SLC4A9: variants seen among roughly 807,000 people sequenced by gnomAD.
SLC4A9 encodes the protein anion exchange protein 4.
In SLC4A9, 102 loss-of-function variants were observed where a neutral mutation model predicts 103.2. That is an observed-to-expected ratio of 0.99 (90% CI 0.84 to 1.17). SLC4A9 has a LOEUF of 1.17. Ranked by LOEUF, SLC4A9 falls within the 50% of genes most tolerant of loss-of-function variation. The pLI, the probability that SLC4A9 is intolerant of heterozygous loss-of-function variation, is 0.00. For missense variants in SLC4A9, 1,091 were observed against 1,193.7 expected, an observed-to-expected ratio of 0.91 and a Z score of 1.27; for synonymous variants, 453 against 483.6, an observed-to-expected ratio of 0.94 and a Z score of 0.83.
chr5:140,367,360 T>C, intron 14 of SLC4A9, 60 bp from the exon 15 acceptor site: 2 of 1,560,816 alleles, frequency 1.3e-6, no homozygotes, highest in Non-Finnish European at 8.7e-7. Flanking sequence ...GGTTGAGATG[T>C]GCAGGTGAGA....
intron 1 of SLC4A9, 130 bp from the exon 2 acceptor site, chr5:140,360,682 G>T (rs544598738): frequency 1.4e-4 from 195 of 1,413,082 alleles, no homozygotes; most frequent in East Asian, 1.1e-3. Context: ...CTGCCAGGGT[G>T]GGGGGGAGAC....
chr5:140,371,614 T>C lies in SLC4A9; in HGVS notation c.2660T>C (p.Phe887Ser), dbSNP rs372940950. The change falls in exon 19 of 22, where the codon TTC (phenylalanine) becomes TCC (serine). Residue 887 changes from phenylalanine (F) to serine (S), a missense_variant. Coordinates refer to ENST00000506757, the MANE Select transcript of SLC4A9 (RefSeq NM_031467.3). ...IIKSTPAAII[F>S]PLMLLGLVGV... is the part of the protein sequence containing the mutation. ...AAGTCTACCCCTGCAGCCATCATCT[T>C]CCCCCTCATGGTAAGCTGAGGCAGG... 11 of 1,613,842 alleles carry C rather than the reference T, an allele frequency of 6.8e-6. No individual in the cohort carries two copies. The highest frequency in any genetic ancestry group is 8.5e-6 in the Non-Finnish European group (10 of 1,179,896).
At position 140,362,145 on chromosome 5, in the gene SLC4A9, G is replaced by C; in HGVS notation, c.690G>C (p.Gly230=). ...GACTGCGGAACCCTGTGGTACTGGG[G>C]TCCCTTACTGAGGTGTCCCTCCCAA... ...FVRLRNPVVL[G]SLTEVSLPSR... The change falls in exon 5 of 22, where the codon GGG becomes GGC. Residue 230 remains glycine, a synonymous_variant. Coordinates refer to ENST00000506757, the MANE Select transcript of SLC4A9 (RefSeq NM_031467.3). The C allele has an allele frequency of 6.4e-7, 1 of 1,558,872 alleles. No homozygotes were observed. The highest frequency in any genetic ancestry group is 8.6e-7 in the Non-Finnish European group (1 of 1,161,106).
chr5:140,365,539 A>G lies in SLC4A9; in HGVS notation c.1671A>G (p.Ile557Met), dbSNP rs775408784. ...PGPGGNESQW[I>M]RTRPKDRDDI... ...TCCCAGGAAATGAGTCTCAATGGATAAGGACAAGGCCAAAAGACAGAGACG... is the reference window on the plus strand; with the variant it reads ...TCCCAGGAAATGAGTCTCAATGGATGAGGACAAGGCCAAAAGACAGAGACG... The change falls in exon 12 of 22, where the codon ATA (isoleucine) becomes ATG (methionine). Residue 557 changes from isoleucine to methionine, a missense_variant. Physicochemically the swap from Ile to Met is conservative, Grantham distance 10. Transcript: ENST00000506757. The G allele has an allele frequency of 1.9e-6, 3 of 1,611,696 alleles. No individual in the cohort carries two copies. The highest frequency in any genetic ancestry group is 2.2e-5 in the South Asian group (2 of 90,424).
In SLC4A9 at chr5:140,362,465, G is replaced by A; in HGVS notation, c.740G>A (p.Gly247Asp). Residue 247 changes from glycine (G) to aspartate (D), a missense_variant, in exon 6 of 22, where the codon GGC (glycine) becomes GAC (aspartate). By Grantham distance (94) the Gly-to-Asp change is moderately conservative (BLOSUM62 -1). Transcript: ENST00000506757. ...LPSRFFCLLL[G>D]PCMLGKGYHE... ...CTCAGGTTTTTCTGCCTTCTCCTGG[G>A]CCCCTGTATGCTGGGAAAGGGCTAC... The A allele has an allele frequency of 6.2e-7, 1 of 1,614,036 alleles. No homozygotes were observed. Among genetic ancestry groups the A allele is most frequent in the Non-Finnish European group, 8.5e-7 (1 of 1,179,884 alleles).
At position 140,363,904 on chromosome 5, in the gene SLC4A9, TGGGTA is replaced by T; in HGVS notation, c.1254+6_1254+10del. ...GGAGATGCCACTGATGGTGCCCAGG[TGGGTA>T]GGGCCCAGGGGGCAGGCACAAGCGT... On this transcript the variant is annotated splice_donor_5th_base_variant and intron_variant, in intron 9 of 21. Transcript: ENST00000506757. The surrounding 1 kb of genome is among the most constrained non-coding windows in gnomAD (Gnocchi z 4.5). The T allele has an allele frequency of 6.2e-7, 1 of 1,613,354 alleles. No individual in the cohort carries two copies. Among genetic ancestry groups the T allele is most frequent in the South Asian group, 1.1e-5 (1 of 91,082 alleles).
intron 17 of SLC4A9, 150 bp downstream of exon 17, chr5:140,368,809 G>C (rs2126784201): frequency 5.0e-6 from 3 of 605,522 alleles, no homozygotes; most frequent in Non-Finnish European, 8.5e-6. Context: ...CATTAACCCT[G>C]AAAGGAGTAT....
chr5:140,371,206 A>T (rs1353182378), intron 18 of SLC4A9, 43 bp downstream of exon 18: 1 of 1,572,382 alleles, frequency 6.4e-7, no homozygotes, highest in African/African-American at 1.4e-5. Context: ...AAAGAAGAAT[A>T]AAAAGACAAA....
At position 140,360,973 on chromosome 5, in the gene SLC4A9, G is replaced by C. The variant is rs766361640; in HGVS notation, c.391+1G>C. Reference sequence around the variant, plus strand: ...GCTCAGAGCCTCCTGGAGCTCGTGGGTAGGCTGGGATCCTTTGCAGGAAGG... The same window carrying C: ...GCTCAGAGCCTCCTGGAGCTCGTGGCTAGGCTGGGATCCTTTGCAGGAAGG... On this transcript the variant is annotated splice_donor_variant, in intron 2 of 21. Transcript: ENST00000506757. LOFTEE classifies it high-confidence loss of function. 21 of 1,570,512 alleles carry C rather than the reference G, an allele frequency of 1.3e-5. No homozygotes were observed. The highest frequency in any genetic ancestry group is 1.7e-5 in the Non-Finnish European group (20 of 1,157,290).
chr5:140,373,298 T>C (rs977645284), intron 21 of SLC4A9, among the ~76,000 whole-genome samples: 2 of 152,156 alleles, frequency 1.3e-5, no homozygotes, highest in African/African-American at 4.8e-5. Flanking sequence ...TATTCATCCA[T>C]ATATCAAGCA....
chr5:140,368,537 TACCCC>T, intron 16 of SLC4A9, 45 bp from the exon 17 acceptor site: 1 of 1,527,468 alleles, frequency 6.5e-7, no homozygotes, highest in Non-Finnish European at 9.0e-7. Context: ...CCAGTCTGGA[TACCCC>T]AGGGACTCTC....
Position 140,374,845 on chromosome 5 carries a change from G to C in SLC4A9, c.*64G>C, listed in dbSNP as rs1468376479. On this transcript the variant is annotated 3_prime_UTR_variant, in exon 22 of 22. Transcript: ENST00000506757. ...CTTCCAGATGCTCAGTCGGCTTGGG[G>C]AAGGACTGAAGGGCAGCTGCCAAGA... is the stretch of plus-strand genomic sequence containing the variant. 3 of 152,184 alleles carry C rather than the reference G, an allele frequency of 2.0e-5. No homozygotes were observed. The highest frequency in any genetic ancestry group is 7.2e-5 in the African/African-American group (3 of 41,418). 9.4% of individuals were successfully genotyped at this position (152,184 alleles called of 1,614,324 possible). A position where few individuals can be genotyped will look rare whatever the true frequency, so the allele number is the denominator to read the frequency against.
chr5:140,365,442 A>G (rs928784543), intron 11 of SLC4A9, 78 bp from the exon 12 acceptor site: 3 of 1,300,380 alleles, frequency 2.3e-6, no homozygotes, highest in Non-Finnish European at 3.3e-6. Flanking sequence ...ACCTGGACCC[A>G]TCAGATAAGA....
intron 1 of SLC4A9, 97 bp from the exon 2 acceptor site, chr5:140,360,715 G>A: frequency 6.4e-7 from 1 of 1,564,554 alleles, no homozygotes; most frequent in Non-Finnish European, 8.7e-7. Context: ...GGCCCAGGAT[G>A]CCCTCATTGC....
chr5:140,361,538 T>C (rs1405917628), intron 3 of SLC4A9, among the ~76,000 whole-genome samples, 171 bp downstream of exon 3: 1 of 152,228 alleles, frequency 6.6e-6, no homozygotes, highest in Non-Finnish European at 1.5e-5. Flanking sequence ...TTCAGGGGGC[T>C]AGAATCGTAA....
intron 21 of SLC4A9, among the ~76,000 whole-genome samples, chr5:140,374,094 T>A (rs1026717323): frequency 6.6e-6 from 1 of 150,908 alleles, no homozygotes; most frequent in Admixed American, 6.6e-5. Context: ...GGCAGGAGAA[T>A]CACTTGAACC....
Position 140,361,266 on chromosome 5 carries a change from G to A in SLC4A9, c.404G>A (p.Arg135Lys). The change falls in exon 3 of 22, where the codon AGG (arginine) becomes AAG (lysine). Residue 135 changes from arginine to lysine, a missense_variant. Transcript: ENST00000506757. Reference sequence around the variant, plus strand: ...ATCCATTCTCCAGAGCAGGTGACCAGGGTGGAGTCGCTGAGCCCAGAGCTG... The same window carrying A: ...ATCCATTCTCCAGAGCAGGTGACCAAGGTGGAGTCGCTGAGCCCAGAGCTG... ...SLLELVEQVTRVESLSPELRG... is the reference protein window; with the variant it reads ...SLLELVEQVTKVESLSPELRG... 1 of 1,565,236 alleles carries A rather than the reference G, an allele frequency of 6.4e-7. No individual in the cohort carries two copies. Among genetic ancestry groups the A allele is most frequent in the African/African-American group, 1.4e-5 (1 of 73,804 alleles).
In SLC4A9 at chr5:140,364,381, C is replaced by T. The variant is rs1561588667; in HGVS notation, c.1407C>T (p.Tyr469=). 2 of 1,613,034 alleles carry T rather than the reference C, an allele frequency of 1.2e-6. No individual in the cohort carries two copies. The highest frequency in any genetic ancestry group is 8.5e-7 in the Non-Finnish European group (1 of 1,179,874). ...CCCACAGAGATTACAGCCTGGACTA[C>T]CTGCCCTTCCGCCTATGGGTGGGCA... ...FSFSRDYSLD[Y]LPFRLWVGIW... is the part of the protein sequence containing the mutation. Residue 469 remains tyrosine (Y), a synonymous_variant, in exon 11 of 22, where the codon TAC becomes TAT. Transcript: ENST00000506757.
rs1004136711 is a variant in SLC4A9, at chr5:140,362,868, G to A, written c.808-44G>A. ...TGAGACTATGAAAATGCATGTAAGA[G>A]ACCAGGTTTGCACTTACCACCCATT... On this transcript the variant is annotated intron_variant, in intron 6 of 21. Coordinates refer to ENST00000506757, the MANE Select transcript of SLC4A9 (RefSeq NM_031467.3). The A allele has an allele frequency of 1.9e-6, 3 of 1,613,008 alleles. No individual in the cohort carries two copies. The African/African-American group carries it at 4.0e-5, about 22-fold the overall frequency.
Sources: gnomAD v4.1 joint callset for allele counts (sites outside exome capture counted in the v4.1 genomes callset) on GRCh38, gnomAD v4.1.1 for gene constraint, Gnocchi (gnomAD v3.1) non-coding constraint, MANE v1.5 for transcripts, NCBI Gene and HGNC (gene_info 2026-07-23, HGNC 2026-07-21) for gene names.